The following EPB41L4A variants were observed in gnomAD, a reference collection of about 807,000 sequenced individuals.
EPB41L4A encodes band 4.1-like protein 4A.
In EPB41L4A, 100 loss-of-function variants were observed where a neutral mutation model predicts 108.6. That is an observed-to-expected ratio of 0.92 (90% CI 0.78 to 1.09). The LOEUF is 1.09. EPB41L4A is among the 50% of genes least tolerant of loss of function. EPB41L4A has a pLI of 0.00. For missense variants in EPB41L4A, 1,030 were observed against 842.7 expected (o/e 1.22, Z -2.75); for synonymous variants, 319 against 289.0 (o/e 1.10, Z -1.05).
At chr5:112,234,880 A>C (rs1249256537) in intron 11 of EPB41L4A, 125 bp from the exon 12 acceptor site, 1 of 1,040,912 alleles carries the variant, frequency 9.6e-7, no homozygotes, top group Non-Finnish European at 1.4e-6. Context: ...CCTGGTTTTT[A>C]ATTGATTCTC....
At chr5:112,188,710 C>T (rs574830474) in intron 17 of EPB41L4A, among the ~76,000 whole-genome samples, 1 of 152,208 alleles carries the variant, frequency 6.6e-6, no homozygotes, top group South Asian at 2.1e-4. Context: ...AAATTTTTAC[C>T]TCGTTTGCAG....
chr5:112,324,000 C>G (rs1028088573), intron 1 of EPB41L4A, among the ~76,000 whole-genome samples: 1 of 152,120 alleles, frequency 6.6e-6, no homozygotes. Context: ...TTTCAACATG[C>G]AAGAACTTAG....
At position 112,416,887 on chromosome 5, in the gene EPB41L4A, G is replaced by A. The variant is rs948800069; in HGVS notation, c.99+2054C>T. Among the ~76,000 whole-genome samples the A allele has an allele frequency of 8.6e-5, 13 of 151,990 alleles. 1 individual carries two copies. The highest frequency in any genetic ancestry group is 7.2e-4 in the Admixed American group (11 of 15,266). ...TGCAAATATATTTAATTTAGTACAC[G>A]CCAAGGGTGGGTAGGTGTTTAACAC... is the stretch of plus-strand genomic sequence containing the variant. On this transcript the variant is annotated intron_variant, in intron 1 of 22. Coordinates refer to ENST00000261486, the MANE Select transcript of EPB41L4A (RefSeq NM_022140.5).
intron 1 of EPB41L4A, among the ~76,000 whole-genome samples, chr5:112,343,818 C>T (rs973558425): frequency 2.0e-5 from 3 of 152,198 alleles, no homozygotes; most frequent in Non-Finnish European, 4.4e-5. Flanking sequence ...CAATGCACAG[C>T]CCTCTTTTAT....
chr5:112,398,717 C>G (rs1244661830), intron 1 of EPB41L4A, among the ~76,000 whole-genome samples: 1 of 152,000 alleles, frequency 6.6e-6, no homozygotes, highest in African/African-American at 2.4e-5. Context: ...TTTCTTTCAC[C>G]TGAGGTCCTC....
At chr5:112,315,266 C>CA (rs1400689511) in intron 1 of EPB41L4A, among the ~76,000 whole-genome samples, 1 of 152,222 alleles carries the variant, frequency 6.6e-6, no homozygotes, top group Non-Finnish European at 1.5e-5. Context: ...CTGATACTTA[C>CA]ACTCTTGCAC....
rs575655386 is a variant in EPB41L4A, at chr5:112,266,206, A to G, written c.433+27T>C. On this transcript the variant is annotated intron_variant, in intron 5 of 22. Coordinates refer to ENST00000261486, the MANE Select transcript of EPB41L4A (RefSeq NM_022140.5). Reference sequence around the variant, plus strand: ...CAAATACTTTCTCCAGACATTTCTGAGGCAAATATGCTTAAGTGGCACCTA... The same window carrying G: ...CAAATACTTTCTCCAGACATTTCTGGGGCAAATATGCTTAAGTGGCACCTA... 37 of 1,504,830 alleles carry G rather than the reference A, an allele frequency of 2.5e-5. No individual in the cohort carries two copies. In the African/African-American group the frequency reaches 4.2e-4, roughly 17 times the overall value. 93.2% of individuals were successfully genotyped at this position (1,504,830 alleles called of 1,614,324 possible). A position where few individuals can be genotyped will look rare whatever the true frequency, so the allele number is the denominator to read the frequency against.
At chr5:112,240,636 T>C (rs1304611770) in intron 10 of EPB41L4A, 83 bp downstream of exon 10, 2 of 747,652 alleles carry the variant, frequency 2.7e-6, no homozygotes, top group Non-Finnish European at 4.3e-6. Context: ...TCCAAATTTC[T>C]GTTTTAGACA....
chr5:112,199,984 A>C (rs1179460783), intron 15 of EPB41L4A, among the ~76,000 whole-genome samples: 2 of 152,196 alleles, frequency 1.3e-5, no homozygotes, highest in Non-Finnish European at 2.9e-5. Context: ...ACAAACACAA[A>C]TGTGATGTTA....
intron 15 of EPB41L4A, among the ~76,000 whole-genome samples, chr5:112,203,837 T>C (rs1762335388): frequency 6.6e-6 from 1 of 151,922 alleles, no homozygotes; most frequent in African/African-American, 2.4e-5. Context: ...AGGTTGGGAG[T>C]TCGAGACCAG....
At chr5:112,208,681 C>G (rs1183483505) in intron 13 of EPB41L4A, among the ~76,000 whole-genome samples, 1 of 152,058 alleles carries the variant, frequency 6.6e-6, no homozygotes, top group Non-Finnish European at 1.5e-5. Flanking sequence ...AACAATTTAC[C>G]CATGTGACAA....
At chr5:112,361,439 CT>C (rs1297903368) in intron 1 of EPB41L4A, among the ~76,000 whole-genome samples, 1 of 151,826 alleles carries the variant, frequency 6.6e-6, no homozygotes, top group Non-Finnish European at 1.5e-5. Context: ...ACATGTTTAT[CT>C]GCTGACCTTC....
chr5:112,378,883 C>T (rs1302714406), intron 1 of EPB41L4A, among the ~76,000 whole-genome samples: 1 of 152,190 alleles, frequency 6.6e-6, no homozygotes, highest in Non-Finnish European at 1.5e-5. Context: ...TGGCTTAAGT[C>T]TAGTTCTAAC....
At chr5:112,157,227 C>T (rs112706840) in intron 12 of EPB41L4A, among the ~76,000 whole-genome samples, 11 of 151,688 alleles carry the variant, frequency 7.3e-5, no homozygotes, top group African/African-American at 2.2e-4. Flanking sequence ...TGATAAACCA[C>T]CTTAGAGCAA....
chr5:112,203,469 A>G (rs1762314047), intron 15 of EPB41L4A, among the ~76,000 whole-genome samples: 1 of 152,232 alleles, frequency 6.6e-6, no homozygotes, highest in African/African-American at 2.4e-5. Flanking sequence ...GAGTGAAAAG[A>G]ATTTCACTGA....
intron 1 of EPB41L4A, among the ~76,000 whole-genome samples, chr5:112,416,735 C>T (rs1331759603): frequency 6.6e-6 from 1 of 152,116 alleles, no homozygotes; most frequent in East Asian, 1.9e-4. Context: ...TGTACCTATG[C>T]ACCATAATAC....
chr5:112,418,666 A>G (rs1056367916), intron 1 of EPB41L4A, among the ~76,000 whole-genome samples: 4 of 152,072 alleles, frequency 2.6e-5, no homozygotes, highest in Admixed American at 2.6e-4. Flanking sequence ...TTTGGAGAAA[A>G]CCGGTTTGGG....
chr5:112,160,768 T>C (rs1759838539), downstream of EPB41L4A: 2 of 156,002 alleles, frequency 1.3e-5, no homozygotes, highest in South Asian at 2.0e-4. Flanking sequence ...CGTCTCGCCA[T>C]AGCGCAGCGG....
chr5:112,418,065 C>G (rs1044882881), intron 1 of EPB41L4A, among the ~76,000 whole-genome samples: 10 of 152,136 alleles, frequency 6.6e-5, no homozygotes, highest in African/African-American at 2.4e-4. Flanking sequence ...GGCGGTTTCC[C>G]TTCACCAGAC....
Sources: allele counts gnomAD v4.1 joint callset (sites outside exome capture counted in the v4.1 genomes callset), GRCh38; gene constraint gnomAD v4.1.1; transcripts MANE v1.5; gene names NCBI Gene and HGNC (gene_info 2026-07-23, HGNC 2026-07-21).